PDE4B: variants seen among roughly 807,000 people sequenced by gnomAD.
PDE4B encodes 3',5'-cyclic-AMP phosphodiesterase 4B.
A neutral mutation model predicts 82.2 loss-of-function variants in PDE4B; 20 were observed. The ratio of observed to expected loss-of-function variants is 0.24; its 90% CI spans 0.17 to 0.35. PDE4B has a LOEUF of 0.35. Among genes scored for constraint, PDE4B ranks in the 10% least tolerant of loss-of-function variants. The pLI is 1.00. For synonymous variants in PDE4B, 320 were observed against 318.9 expected (o/e 1.00, Z -0.04); for missense variants, 655 against 907.2 (o/e 0.72, Z 3.57).
chr1:65,869,159 A>C (rs190384977), intron 1 of PDE4B, among the ~76,000 whole-genome samples: 1 of 152,200 alleles, frequency 6.6e-6, no homozygotes, highest in South Asian at 2.1e-4. Flanking sequence ...AAGTGTAGGC[A>C]TGTAATGCAG....
At chr1:66,102,430 T>C (rs1215847424) in intron 3 of PDE4B, among the ~76,000 whole-genome samples, 3 of 152,054 alleles carry the variant, frequency 2.0e-5, no homozygotes, top group Non-Finnish European at 4.4e-5. Flanking sequence ...ACATGGGAAA[T>C]ATTGAAATTC....
At chr1:66,185,622 G>T (rs1396634785) in intron 3 of PDE4B, among the ~76,000 whole-genome samples, 1 of 151,998 alleles carries the variant, frequency 6.6e-6, no homozygotes, top group Non-Finnish European at 1.5e-5. Flanking sequence ...TGTGTTTTTT[G>T]GCTGCATAAA....
chr1:65,921,744 G>A (rs760605167), intron 3 of PDE4B, among the ~76,000 whole-genome samples: 2 of 152,162 alleles, frequency 1.3e-5, no homozygotes, highest in Non-Finnish European at 2.9e-5. Flanking sequence ...AGAGTTTGCC[G>A]ACTTTGAAAA....
intron 7 of PDE4B, among the ~76,000 whole-genome samples, chr1:66,314,869 C>T (rs1287869031): frequency 6.6e-6 from 1 of 152,248 alleles, no homozygotes; most frequent in Non-Finnish European, 1.5e-5. Context: ...GAAGTACCTG[C>T]TCTGTCCAAA....
chr1:65,887,594 T>G (rs897168991), intron 1 of PDE4B, among the ~76,000 whole-genome samples: 2 of 150,802 alleles, frequency 1.3e-5, no homozygotes, highest in Non-Finnish European at 3.0e-5. Context: ...ATTTTTGTAT[T>G]TTTTGAAGAG....
At chr1:65,944,181 G>C (rs1456576959) in intron 3 of PDE4B, among the ~76,000 whole-genome samples, 2 of 151,830 alleles carry the variant, frequency 1.3e-5, no homozygotes, top group Non-Finnish European at 2.9e-5. Flanking sequence ...AATTTGTTTA[G>C]TTGATTTTAT....
At position 65,809,159 on chromosome 1, in the gene PDE4B, C is replaced by T. The variant is rs150450353; in HGVS notation, c.-71+15911C>T. ...CAGCCTGGTCAACATGATGAAACCC[C>T]GTCTCTACTAAAAATACAAAAATTA... is the stretch of plus-strand genomic sequence containing the variant. On this transcript the variant is annotated intron_variant, in intron 1 of 16. Coordinates refer to ENST00000341517, the MANE Select transcript of PDE4B (RefSeq NM_002600.4). Among the ~76,000 whole-genome samples the T allele has an allele frequency of 2.5e-3, 376 of 151,492 alleles. 2 individuals are homozygous for T. Among genetic ancestry groups the T allele is most frequent in the African/African-American group, 8.7e-3 (360 of 41,330 alleles).
intron 3 of PDE4B, among the ~76,000 whole-genome samples, chr1:66,008,657 A>T (rs1057175708): frequency 2.6e-5 from 4 of 152,028 alleles, no homozygotes; most frequent in Admixed American, 1.3e-4. Context: ...GTACTGCTCT[A>T]CTGGTTTCCT....
At chr1:65,827,591 A>G (rs1447916565) in intron 1 of PDE4B, among the ~76,000 whole-genome samples, 1 of 152,212 alleles carries the variant, frequency 6.6e-6, no homozygotes, top group Non-Finnish European at 1.5e-5. Flanking sequence ...CCCAAAATAA[A>G]ACTCAAAGAG....
chr1:66,334,046 G>T (rs745620752), intron 8 of PDE4B, among the ~76,000 whole-genome samples: 5 of 152,130 alleles, frequency 3.3e-5, no homozygotes, highest in Non-Finnish European at 5.9e-5. Flanking sequence ...ATCACACTGG[G>T]ACTCCATGTA....
intron 1 of PDE4B, among the ~76,000 whole-genome samples, chr1:65,896,102 G>A (rs112917817): frequency 0.014 from 2,161 of 152,038 alleles, 31 homozygotes; most frequent in Non-Finnish European, 0.023. Context: ...ATATGCATGT[G>A]TGTGTGTGTA....
chr1:65,908,550 A>G (rs1191920803), intron 1 of PDE4B, among the ~76,000 whole-genome samples: 2 of 152,212 alleles, frequency 1.3e-5, no homozygotes, highest in African/African-American at 4.8e-5. Context: ...CTATACATTT[A>G]GTATACATAC....
chr1:66,208,860 C>T (rs1241160616), intron 3 of PDE4B, among the ~76,000 whole-genome samples: 1 of 152,084 alleles, frequency 6.6e-6, no homozygotes. Flanking sequence ...TACCAAAACT[C>T]TTTGAGGTGA....
chr1:66,264,689 C>T (rs1411410721), intron 6 of PDE4B, among the ~76,000 whole-genome samples: 1 of 152,144 alleles, frequency 6.6e-6, no homozygotes, highest in Admixed American at 6.5e-5. Flanking sequence ...TGGGTACCTA[C>T]AAGCTAGATT....
At chr1:66,331,656 A>C (rs1660118909) in intron 7 of PDE4B, 1 of 681,438 alleles carries the variant, frequency 1.5e-6, no homozygotes. Flanking sequence ...TCAAAATAAA[A>C]ATCTGCAGAG....
Position 66,248,651 on chromosome 1 carries a change from C to T in PDE4B, c.476+997C>T, listed in dbSNP as rs116452198. Among the ~76,000 whole-genome samples, 808 of 152,326 alleles carry T rather than the reference C, an allele frequency of 5.3e-3. 4 individuals are homozygous for T. The highest frequency in any genetic ancestry group is 0.018 in the African/African-American group (758 of 41,564). On this transcript the variant is annotated intron_variant, in intron 4 of 16. Transcript: ENST00000341517. ...TACTGATTCTCTCCTTTGTGCCACA[C>T]ATTGTGTCAATCTCTGGTGATAAAA...
chr1:65,817,694 GATTA>G (rs1461522348), intron 1 of PDE4B, among the ~76,000 whole-genome samples: 7 of 152,046 alleles, frequency 4.6e-5, no homozygotes, highest in African/African-American at 1.7e-4. Context: ...AAAAATTGAA[GATTA>G]ATTAATGATC....
chr1:66,157,307 A>G (rs2101231930), intron 3 of PDE4B, among the ~76,000 whole-genome samples: 1 of 152,274 alleles, frequency 6.6e-6, no homozygotes, highest in East Asian at 1.9e-4. Context: ...TGTCACTTAG[A>G]CTTCTGGAAC....
intron 15 of PDE4B, 147 bp from the exon 16 acceptor site, chr1:66,368,640 C>CA (rs1259601651): frequency 2.0e-6 from 1 of 497,690 alleles, no homozygotes; most frequent in African/African-American, 2.0e-5. Context: ...ATTGTAATTC[C>CA]ATTTTTTTTC....
Sources: allele counts gnomAD v4.1 joint callset (sites outside exome capture counted in the v4.1 genomes callset), GRCh38; gene constraint gnomAD v4.1.1; transcripts MANE v1.5; gene names NCBI Gene and HGNC (gene_info 2026-07-23, HGNC 2026-07-21).